The following NRXN1 variants were observed in gnomAD, a reference collection of about 807,000 sequenced individuals.
NRXN1 encodes the protein neurexin 1.
Under a neutral mutation model 150.9 loss-of-function variants are expected in NRXN1, and 39 were observed. That is an observed-to-expected ratio of 0.26 (90% confidence interval 0.20 to 0.34). The LOEUF (loss-of-function observed/expected upper bound fraction) is 0.34. Ranked by LOEUF, NRXN1 falls within the 10% of genes least tolerant of loss-of-function variation. NRXN1 has a pLI of 1.00. For missense variants in NRXN1, 1,815 were observed against 1,949.9 expected (o/e 0.93, Z 1.30); for synonymous variants, 924 against 757.0 (o/e 1.22, Z -3.62).
intron 9 of NRXN1, among the ~76,000 whole-genome samples, chr2:50,550,740 G>A (rs1667338190): frequency 6.6e-6 from 1 of 150,942 alleles, no homozygotes; most frequent in Admixed American, 6.6e-5. Context: ...GGAGTGCCGC[G>A]GCCCGATCTC....
At chr2:50,686,346 C>G (rs549492395) in intron 5 of NRXN1, among the ~76,000 whole-genome samples, 29 of 152,132 alleles carry the variant, frequency 1.9e-4, no homozygotes, top group African/African-American at 7.0e-4. Flanking sequence ...GACGTTGCAA[C>G]CAGAAATTGC....
intron 19 of NRXN1, among the ~76,000 whole-genome samples, chr2:50,084,239 G>C (rs775260685): frequency 6.6e-6 from 1 of 152,208 alleles, no homozygotes. Context: ...ATGCCCTTGC[G>C]CGGTGGATGA....
At position 50,845,434 on chromosome 2, in the gene NRXN1, G is replaced by C. The variant is rs543132646; in HGVS notation, c.832+76435C>G. 5.9e-5 allele frequency among the ~76,000 whole-genome samples: 9 copies of C among 152,228 alleles called. No homozygotes were observed. In the South Asian group the frequency reaches 1.9e-3, roughly 32 times the overall value. On this transcript the variant is annotated intron_variant, in intron 5 of 22. Transcript: ENST00000401669. Reference sequence around the variant, plus strand: ...GAAGAAAATGCTTCAGATAGGTTAGGGAACCATCCCTGACCACACAAACTA... The same window carrying C: ...GAAGAAAATGCTTCAGATAGGTTAGCGAACCATCCCTGACCACACAAACTA...
chr2:50,413,546 G>T (rs894670300), intron 17 of NRXN1, among the ~76,000 whole-genome samples: 1 of 152,156 alleles, frequency 6.6e-6, no homozygotes, highest in Non-Finnish European at 1.5e-5. Flanking sequence ...TGCCTGTGAG[G>T]ATGTGGAGAA....
chr2:50,577,661 G>T (rs1408655442), intron 8 of NRXN1, among the ~76,000 whole-genome samples: 2 of 151,450 alleles, frequency 1.3e-5, no homozygotes, highest in Non-Finnish European at 2.9e-5. Flanking sequence ...CATATATAAA[G>T]AAAATTCTGC....
intron 17 of NRXN1, among the ~76,000 whole-genome samples, chr2:50,415,585 T>G (rs943035094): frequency 1.3e-5 from 2 of 152,176 alleles, no homozygotes; most frequent in Non-Finnish European, 2.9e-5. Context: ...CATATTAGGC[T>G]ATGGTCTCAC....
At chr2:50,106,992 C>T (rs938040274) in intron 18 of NRXN1, among the ~76,000 whole-genome samples, 5 of 151,830 alleles carry the variant, frequency 3.3e-5, no homozygotes, top group African/African-American at 4.8e-5. Flanking sequence ...GGAAGATATA[C>T]GGTTAATGCA....
chr2:50,031,849 A>C (rs910426489), intron 21 of NRXN1, among the ~76,000 whole-genome samples: 6 of 152,060 alleles, frequency 3.9e-5, no homozygotes, highest in Non-Finnish European at 7.4e-5. Context: ...TTAATTCGCC[A>C]TTCACTGGTG....
chr2:50,864,278 A>G (rs937903782), intron 5 of NRXN1, among the ~76,000 whole-genome samples: 7 of 151,990 alleles, frequency 4.6e-5, no homozygotes, highest in African/African-American at 1.7e-4. Context: ...TCAGACATGT[A>G]TCTGATCATC....
intron 22 of NRXN1, among the ~76,000 whole-genome samples, chr2:49,941,888 G>A (rs980543754): frequency 1.3e-5 from 2 of 152,174 alleles, no homozygotes; most frequent in African/African-American, 2.4e-5. Context: ...ACACCAGGAA[G>A]GTTGGGCATG....
intron 17 of NRXN1, among the ~76,000 whole-genome samples, chr2:50,321,506 C>T (rs1211215512): frequency 6.6e-6 from 1 of 152,116 alleles, no homozygotes; most frequent in East Asian, 1.9e-4. Flanking sequence ...AGAGTTTAAA[C>T]AGTGCATAGC....
At chr2:50,998,776 C>A (rs1052179593) in intron 2 of NRXN1, among the ~76,000 whole-genome samples, 2 of 152,032 alleles carry the variant, frequency 1.3e-5, no homozygotes, top group Admixed American at 1.3e-4. Context: ...TTTGGTACAA[C>A]ACATACACCC....
intron 2 of NRXN1, among the ~76,000 whole-genome samples, chr2:51,005,424 G>A (rs1298246229): frequency 6.6e-6 from 1 of 151,894 alleles, no homozygotes; most frequent in Non-Finnish European, 1.5e-5. Flanking sequence ...TTTGTGCTGG[G>A]AACATTCAGT....
At chr2:50,330,203 G>C (rs912899892) in intron 17 of NRXN1, among the ~76,000 whole-genome samples, 1 of 151,744 alleles carries the variant, frequency 6.6e-6, no homozygotes, top group African/African-American at 2.4e-5. Flanking sequence ...ATACATAAAG[G>C]CAAACTACTA....
intron 5 of NRXN1, among the ~76,000 whole-genome samples, chr2:50,627,776 C>A (rs1454014233): frequency 1.3e-5 from 2 of 151,664 alleles, no homozygotes; most frequent in Non-Finnish European, 3.0e-5. Context: ...AAGCGAGGCT[C>A]ATGGAGTTTA....
intron 22 of NRXN1, among the ~76,000 whole-genome samples, chr2:49,937,675 A>C (rs546556773): frequency 6.6e-6 from 1 of 152,254 alleles, no homozygotes; most frequent in South Asian, 2.1e-4. Context: ...TACACAGGAG[A>C]TGCTCTCGAT....
intron 5 of NRXN1, among the ~76,000 whole-genome samples, chr2:50,705,429 T>A (rs1184027462): frequency 6.6e-6 from 1 of 152,120 alleles, no homozygotes; most frequent in Admixed American, 6.6e-5. Context: ...AATGTGATAA[T>A]CCACGGAAGC....
chr2:50,287,169 C>T (rs1715998), intron 17 of NRXN1, among the ~76,000 whole-genome samples: 1 of 152,022 alleles, frequency 6.6e-6, no homozygotes, highest in Non-Finnish European at 1.5e-5. Flanking sequence ...AAGCTACTTA[C>T]GTTCAGTGCT....
At chr2:50,804,578 G>C (rs1210281452) in intron 5 of NRXN1, among the ~76,000 whole-genome samples, 1 of 152,156 alleles carries the variant, frequency 6.6e-6, no homozygotes, top group Non-Finnish European at 1.5e-5. Context: ...AAGTCAGCAT[G>C]ACCTCTTTGA....
Sources: gnomAD v4.1 joint callset for allele counts (sites outside exome capture counted in the v4.1 genomes callset) on GRCh38, gnomAD v4.1.1 for gene constraint, MANE v1.5 for transcripts, NCBI Gene and HGNC (gene_info 2026-07-23, HGNC 2026-07-21) for gene names.